ADIPOR2: variants seen among roughly 807,000 people sequenced by gnomAD.
ADIPOR2 encodes adiponectin receptor 2.
A neutral mutation model predicts 40.9 loss-of-function variants in ADIPOR2; 18 were observed. The ratio of observed to expected loss-of-function variants is 0.44; its 90% CI spans 0.30 to 0.65. The LOEUF is 0.65. Ranked by LOEUF, ADIPOR2 falls within the 30% of genes least tolerant of loss-of-function variation. The probability of loss-of-function intolerance (pLI) is 0.09; values close to 1 mark genes in which losing one functional copy is unlikely to be tolerated. For missense variants in ADIPOR2, 283 were observed against 479.2 expected, an observed-to-expected ratio of 0.59 and a Z score of 3.82; for synonymous variants, 165 against 166.4, an observed-to-expected ratio of 0.99 and a Z score of 0.06.
At chr12:1,736,589 G>T (rs2094731265) in intron 1 of ADIPOR2, among the ~76,000 whole-genome samples, 1 of 152,050 alleles carries the variant, frequency 6.6e-6, no homozygotes, top group Admixed American at 6.6e-5. Context: ...TTTTTTGAAG[G>T]GTTTTTTTGT....
rs67598229 is a variant in ADIPOR2, at chr12:1,752,230, CTT to C, written c.-86-2008_-86-2007del. ...AGGCGTGAGCCACTGCTCCTGGCCT[CTT>C]TTTTTTTTTTTTTTTTTTTAAGATA... On this transcript the variant is annotated intron_variant, in intron 1 of 7. Transcript: ENST00000357103. Among the ~76,000 whole-genome samples the C allele has an allele frequency of 3.5e-3, 263 of 74,856 alleles. 1 individual carries two copies. Among genetic ancestry groups the C allele is most frequent in the Non-Finnish European group, 3.6e-3 (155 of 42,736 alleles). The allele number at this position is 74,856 out of a possible 152,430, so 49.1% of individuals were successfully genotyped here.
chr12:1,756,312 G>A (rs1462590556), intron 2 of ADIPOR2, among the ~76,000 whole-genome samples: 4 of 151,866 alleles, frequency 2.6e-5, no homozygotes, highest in Admixed American at 6.6e-5. Context: ...AACCACATCC[G>A]GCTAATTTTT....
chr12:1,744,176 A>G (rs10773987), intron 1 of ADIPOR2, among the ~76,000 whole-genome samples: 121,734 of 151,090 alleles, frequency 0.81, 49,902 homozygotes, highest in East Asian at 0.9. Context: ...GTACGATCTT[A>G]GCTCACTGCA....
chr12:1,781,587 A>C lies in ADIPOR2; in HGVS notation c.838+511A>C, dbSNP rs1455254008. On this transcript the variant is annotated intron_variant, in intron 6 of 7. Coordinates refer to ENST00000357103, the MANE Select transcript of ADIPOR2 (RefSeq NM_024551.3). Reference sequence around the variant, plus strand: ...TGATGTAGGGATAAAGGGGCTTTTTATATTTAGGATAATGCCTGTTTAGCT... The same window carrying C: ...TGATGTAGGGATAAAGGGGCTTTTTCTATTTAGGATAATGCCTGTTTAGCT... Among the ~76,000 whole-genome samples, 4 of 152,246 alleles carry C rather than the reference A, an allele frequency of 2.6e-5. No individual in the cohort carries two copies. In the East Asian group the frequency reaches 7.7e-4, roughly 29 times the overall value.
chr12:1,757,850 GGCTT>G, intron 2 of ADIPOR2: 7 of 829,508 alleles, frequency 8.4e-6, no homozygotes, highest in Non-Finnish European at 1.1e-5. Context: ...CTCCTGTCAG[GGCTT>G]ACTTAAGTCT....
At position 1,788,158 on chromosome 12, in the gene ADIPOR2, C is replaced by T. The variant is rs944402186; in HGVS notation, c.*2086C>T. 6.5e-6 allele frequency: 1 copy of T among 152,806 alleles called. No individual in the cohort carries two copies. Among genetic ancestry groups the T allele is most frequent in the African/African-American group, 2.4e-5 (1 of 41,450 alleles). The allele number at this position is 152,806 out of a possible 1,614,324, so 9.5% of individuals were successfully genotyped here. On this transcript the variant is annotated 3_prime_UTR_variant, in exon 8 of 8. Transcript: ENST00000357103. The stretch of plus-strand genomic sequence containing the variant: ...GTAGCAGCCTCTGGGTGCAGTCACC[C>T]ACACCCCAAAGCTGGAAGGATCTGG...
intron 1 of ADIPOR2, among the ~76,000 whole-genome samples, chr12:1,740,856 G>A (rs938862910): frequency 6.6e-5 from 10 of 152,218 alleles, no homozygotes; most frequent in Non-Finnish European, 1.5e-4. Context: ...ATTTGAGAGA[G>A]TGATAAGGAC....
chr12:1,732,538 A>T (rs983900810), intron 1 of ADIPOR2, among the ~76,000 whole-genome samples: 6 of 152,228 alleles, frequency 3.9e-5, no homozygotes, highest in African/African-American at 1.4e-4. Flanking sequence ...TGTGTACCAC[A>T]GTTTGTTTAT....
rs77390881 is a variant in ADIPOR2 at position 1,772,671 on chromosome 12, A to G, written c.172-171A>G. On this transcript the variant is annotated intron_variant, in intron 2 of 7. Transcript: ENST00000357103. ...AGAGAAGAATTGAGTACTAGTGTTC[A>G]TTTTTAATACTAATAATTCTATAAT... The G allele has an allele frequency of 4.2e-3, 3,133 of 751,306 alleles. 73 individuals are homozygous for G. The African/African-American group carries it at 0.053, about 13-fold the overall frequency. 46.5% of individuals were successfully genotyped at this position (751,306 alleles called of 1,614,324 possible).
chr12:1,707,216 G>A (rs144854093), intron 1 of ADIPOR2, among the ~76,000 whole-genome samples: 87 of 152,196 alleles, frequency 5.7e-4, no homozygotes, highest in African/African-American at 2.1e-3. Context: ...TGATTAAAGT[G>A]GCAATGAACA....
At chr12:1,735,136 T>G (rs1592598073) in intron 1 of ADIPOR2, among the ~76,000 whole-genome samples, 1 of 152,298 alleles carries the variant, frequency 6.6e-6, no homozygotes, top group East Asian at 1.9e-4. Flanking sequence ...GTGAAGAAAG[T>G]CATTGGTAGC....
rs544279238 is a variant in ADIPOR2, at chr12:1,712,556, C to T, written c.-87+21365C>T. 4.6e-5 allele frequency among the ~76,000 whole-genome samples: 7 copies of T among 152,234 alleles called. No individual in the cohort carries two copies. The South Asian group carries it at 1.5e-3, about 32-fold the overall frequency. The stretch of plus-strand genomic sequence containing the variant: ...ACTTCAAGAGCTATTCCTGCTCTCT[C>T]TCTGACGTATAAAGAGAAGTTTTGT... On this transcript the variant is annotated intron_variant, in intron 1 of 7. Transcript: ENST00000357103.
At chr12:1,784,215 G>T in intron 7 of ADIPOR2, 142 bp downstream of exon 7, 2 of 915,482 alleles carry the variant, frequency 2.2e-6, no homozygotes, top group East Asian at 5.7e-5. Context: ...AGCTTTCTCT[G>T]GACAATAAGT....
Position 1,786,094 on chromosome 12 carries a change from T to C in ADIPOR2, c.*22T>C. On this transcript the variant is annotated 3_prime_UTR_variant, in exon 8 of 8. Transcript: ENST00000357103. ...GTGATACCTACCAGTCTCCAGGGAC[T>C]ATGACCCTAAACCAGGGCCTGCGGC... 6.2e-7 allele frequency: 1 copy of C among 1,611,644 alleles called. No homozygotes were observed. The highest frequency in any genetic ancestry group is 8.5e-7 in the Non-Finnish European group (1 of 1,179,226).
At chr12:1,736,079 G>A (rs558082326) in intron 1 of ADIPOR2, among the ~76,000 whole-genome samples, 1 of 152,154 alleles carries the variant, frequency 6.6e-6, no homozygotes, top group African/African-American at 2.4e-5. Flanking sequence ...TCTCTGCCAG[G>A]CTTTGGTATC....
At chr12:1,782,323 G>T (rs1862734161) in intron 6 of ADIPOR2, among the ~76,000 whole-genome samples, 1 of 152,166 alleles carries the variant, frequency 6.6e-6, no homozygotes, top group South Asian at 2.1e-4. Flanking sequence ...AGTTTATTTG[G>T]TAATGTCCAA....
At chr12:1,777,382 C>CTTTTTT (rs59141974) in intron 3 of ADIPOR2, among the ~76,000 whole-genome samples, 8 of 98,740 alleles carry the variant, frequency 8.1e-5, no homozygotes, top group Admixed American at 1.1e-4. Context: ...TTTTTTCTTT[C>CTTTTTT]TTTTTTTTTT....
chr12:1,739,625 C>T (rs1467000724), intron 1 of ADIPOR2, among the ~76,000 whole-genome samples: 2 of 152,220 alleles, frequency 1.3e-5, no homozygotes, highest in African/African-American at 4.8e-5. Context: ...TTTTGTGCTG[C>T]ACTAGCTGAG....
intron 1 of ADIPOR2, among the ~76,000 whole-genome samples, chr12:1,695,020 T>G (rs577209581): frequency 4.7e-4 from 59 of 125,922 alleles, no homozygotes; most frequent in East Asian, 2.0e-3. Context: ...AGTTTTTTTT[T>G]TTTTTTTGTT....
Sources: gnomAD v4.1 joint callset for allele counts (sites outside exome capture counted in the v4.1 genomes callset) on GRCh38, gnomAD v4.1.1 for gene constraint, MANE v1.5 for transcripts, NCBI Gene and HGNC (gene_info 2026-07-23, HGNC 2026-07-21) for gene names.